Variants in JAK1 observed in about 807,000 individuals in gnomAD.
The protein encoded by JAK1 is tyrosine-protein kinase JAK1.
JAK1 carries 16 observed loss-of-function variants against 136.6 expected under a neutral mutation model. The observed-to-expected ratio is 0.12, with a 90% CI of 0.08 to 0.18. The LOEUF (loss-of-function observed/expected upper bound fraction) is 0.18, where lower values mean the gene tolerates loss of function less well. Ranked by LOEUF, JAK1 falls within the 10% of genes least tolerant of loss-of-function variation. The pLI is 1.00. For missense variants in JAK1, 859 were observed against 1,450.1 expected (o/e 0.59, Z 6.62); for synonymous variants, 492 against 519.5 (o/e 0.95, Z 0.72).
chr1:64,908,718 T>C (rs1392519289), intron 1 of JAK1, among the ~76,000 whole-genome samples: 1 of 139,580 alleles, frequency 7.2e-6, no homozygotes, highest in Non-Finnish European at 1.6e-5. Flanking sequence ...GAATATACTG[T>C]GTGTATGTTC....
At position 64,839,039 on chromosome 1, in the gene JAK1, G is replaced by A. The variant is rs529004084; in HGVS notation, c.2843-450C>T. On this transcript the variant is annotated intron_variant, in intron 20 of 24. Transcript: ENST00000342505. ...CGGGCGCCTGTAGTCCCAGCTACTCGGGAGGCTGAGGCAGGAGAATGGCGT... is the reference window on the plus strand; with the variant it reads ...CGGGCGCCTGTAGTCCCAGCTACTCAGGAGGCTGAGGCAGGAGAATGGCGT... Among the ~76,000 whole-genome samples the A allele has an allele frequency of 2.7e-5, 4 of 150,174 alleles. No homozygotes were observed. In the East Asian group the frequency reaches 5.9e-4, roughly 22 times the overall value.
chr1:64,908,550 C>T (rs1407892096), intron 1 of JAK1, among the ~76,000 whole-genome samples: 1 of 152,106 alleles, frequency 6.6e-6, no homozygotes, highest in African/African-American at 2.4e-5. Flanking sequence ...GTCCCAAAAA[C>T]CCCAGAGCAG....
intron 1 of JAK1, among the ~76,000 whole-genome samples, chr1:64,949,503 T>G (rs1012393736): frequency 6.6e-6 from 1 of 152,264 alleles, no homozygotes; most frequent in Non-Finnish European, 1.5e-5. Flanking sequence ...CACATTCAAG[T>G]GCACATTGTG....
In JAK1 at chr1:64,838,435, A is replaced by C. The variant is rs368948803; in HGVS notation, c.2967+30T>G. ...CCCAGGACAGAGTGCCTGATGTCTT[A>C]ATCTGTAACATGATGTCTTTATTTT... is the stretch of plus-strand genomic sequence containing the variant. On this transcript the variant is annotated intron_variant, in intron 21 of 24. Coordinates refer to ENST00000342505, the MANE Select transcript of JAK1 (RefSeq NM_002227.4). 8 of 1,610,764 alleles carry C rather than the reference A, an allele frequency of 5.0e-6. No homozygotes were observed. The African/African-American group carries it at 5.3e-5, about 11-fold the overall frequency.
At chr1:64,873,621 A>C in intron 4 of JAK1, 98 bp from the exon 5 acceptor site, 1 of 1,393,146 alleles carries the variant, frequency 7.2e-7, no homozygotes, top group South Asian at 1.2e-5. Context: ...CGGAGGCTGA[A>C]GTGCCCTGAG....
chr1:64,861,316 G>A (rs984150647), intron 8 of JAK1, among the ~76,000 whole-genome samples: 1 of 152,102 alleles, frequency 6.6e-6, no homozygotes, highest in Non-Finnish European at 1.5e-5. Context: ...TCTGAGAGTT[G>A]GAGAGAGCAG....
rs529036251 is a variant in JAK1, at chr1:64,949,973, T to A, written c.-78+16360A>T. Reference sequence around the variant, plus strand: ...AAAAATGATTATTACAAAGACTCTATTAAAATAGAATAAAAAAGTTTAAGA... The same window carrying A: ...AAAAATGATTATTACAAAGACTCTAATAAAATAGAATAAAAAAGTTTAAGA... On this transcript the variant is annotated intron_variant, in intron 1 of 24. Coordinates refer to ENST00000342505, the MANE Select transcript of JAK1 (RefSeq NM_002227.4). 2.6e-5 allele frequency among the ~76,000 whole-genome samples: 4 copies of A among 152,214 alleles called. No individual in the cohort carries two copies. In the South Asian group the frequency reaches 8.3e-4, roughly 32 times the overall value.
At chr1:65,009,467 A>G (rs1413695059) in intron 2 of JAK1, among the ~76,000 whole-genome samples, 1 of 152,216 alleles carries the variant, frequency 6.6e-6, no homozygotes, top group African/African-American at 2.4e-5. Flanking sequence ...GTACAAATGT[A>G]TCATTAAAAA....
At chr1:64,985,250 G>T in intron 2 of JAK1, 4 of 1,605,044 alleles carry the variant, frequency 2.5e-6, no homozygotes, top group Non-Finnish European at 3.4e-6. Flanking sequence ...TGATTACAGA[G>T]AGCTGCTGAG....
At chr1:64,878,445 G>C (rs1002806717) in intron 4 of JAK1, among the ~76,000 whole-genome samples, 7 of 152,062 alleles carry the variant, frequency 4.6e-5, no homozygotes, top group African/African-American at 1.7e-4. Flanking sequence ...CACTCCCAGA[G>C]AGCAAGGCCA....
At chr1:64,993,736 C>T (rs907071416) in intron 2 of JAK1, among the ~76,000 whole-genome samples, 1 of 152,126 alleles carries the variant, frequency 6.6e-6, no homozygotes, top group African/African-American at 2.4e-5. Context: ...ATCTCTGCCT[C>T]CCAGGTTCAA....
At chr1:65,031,022 C>T (rs955924754) in intron 2 of JAK1, among the ~76,000 whole-genome samples, 4 of 151,684 alleles carry the variant, frequency 2.6e-5, no homozygotes, top group African/African-American at 4.8e-5. Context: ...GGTGTGGGGG[C>T]GCACACCTGT....
At chr1:65,006,202 TA>T (rs1646802586) in intron 2 of JAK1, among the ~76,000 whole-genome samples, 1 of 152,228 alleles carries the variant, frequency 6.6e-6, no homozygotes, top group Non-Finnish European at 1.5e-5. Flanking sequence ...ATGAATCTCT[TA>T]AGGTTTTTTG....
chr1:64,857,689 G>A lies in JAK1; in HGVS notation c.1425C>T (p.Ile475=). ...TCTCAAAGCAGGTGACGGTCATGAG[G>A]ATGTTGTCAAAGTCGGTGCAGCTCC... The part of the protein sequence containing the change: ...LRWSCTDFDN[I]LMTVTCFEKS... The change falls in exon 10 of 25, where the codon ATC becomes ATT. Residue 475 remains isoleucine, a synonymous_variant. Coordinates refer to ENST00000342505, the MANE Select transcript of JAK1 (RefSeq NM_002227.4). The A allele has an allele frequency of 3.1e-6, 5 of 1,614,204 alleles. No homozygotes were observed. Among genetic ancestry groups the A allele is most frequent in the Non-Finnish European group, 4.2e-6 (5 of 1,180,034 alleles).
intron 2 of JAK1, among the ~76,000 whole-genome samples, chr1:65,006,190 T>G (rs1646802474): frequency 6.6e-6 from 1 of 152,216 alleles, no homozygotes; most frequent in Non-Finnish European, 1.5e-5. Context: ...GTAAACTAAT[T>G]GATGAATCTC....
intron 10 of JAK1, among the ~76,000 whole-genome samples, chr1:64,857,358 G>A (rs1158755119): frequency 6.6e-6 from 1 of 152,196 alleles, no homozygotes; most frequent in Non-Finnish European, 1.5e-5. Flanking sequence ...TCCAAGTGTT[G>A]GGTGTGAATT....
chr1:64,894,249 A>G (rs562464959), intron 1 of JAK1, among the ~76,000 whole-genome samples: 4 of 152,298 alleles, frequency 2.6e-5, no homozygotes, highest in African/African-American at 9.6e-5. Flanking sequence ...CTCCAGATTC[A>G]AAGTCCTGAC....
At chr1:64,990,188 A>G (rs1046794310) in intron 2 of JAK1, 1 of 152,142 alleles carries the variant, frequency 6.6e-6, no homozygotes, top group Non-Finnish European at 1.5e-5. Context: ...TGTGCCTGCA[A>G]TCTTAGCTAC....
intron 1 of JAK1, among the ~76,000 whole-genome samples, chr1:64,931,958 G>A (rs560424725): frequency 2.6e-5 from 4 of 151,242 alleles, no homozygotes; most frequent in South Asian, 2.1e-4. Context: ...AAAAAAGGAG[G>A]GGGGGGGATA....
Sources: gnomAD v4.1 joint callset for allele counts (sites outside exome capture counted in the v4.1 genomes callset) on GRCh38, gnomAD v4.1.1 for gene constraint, MANE v1.5 for transcripts, NCBI Gene and HGNC (gene_info 2026-07-23, HGNC 2026-07-21) for gene names.